The following VAT1L variants were observed in gnomAD, a reference collection of about 807,000 sequenced individuals.
VAT1L encodes the protein vesicle amine transport 1 like.
A neutral mutation model predicts 44.1 loss-of-function variants in VAT1L; 34 were observed. The observed-to-expected ratio is 0.77, with a 90% CI of 0.59 to 1.03. The LOEUF (loss-of-function observed/expected upper bound fraction) is 1.03, where lower values mean the gene tolerates loss of function less well. Among genes scored for constraint, VAT1L ranks in the 50% least tolerant of loss-of-function variants. The pLI is 0.00. For missense variants in VAT1L, 615 were observed against 538.8 expected, an observed-to-expected ratio of 1.14 and a Z score of -1.40; for synonymous variants, 253 against 202.2, an observed-to-expected ratio of 1.25 and a Z score of -2.13.
chr16:77,859,761 G>A (rs377388355), intron 3 of VAT1L, among the ~76,000 whole-genome samples: 1 of 152,198 alleles, frequency 6.6e-6, no homozygotes, highest in South Asian at 2.1e-4. Flanking sequence ...GAGGGAGGAA[G>A]AGGAGGCCAG....
chr16:77,890,530 A>G (rs1253562596), intron 7 of VAT1L, among the ~76,000 whole-genome samples: 1 of 152,186 alleles, frequency 6.6e-6, no homozygotes, highest in Non-Finnish European at 1.5e-5. Flanking sequence ...ACTTAGATAC[A>G]GCTGTGGTCT....
intron 7 of VAT1L, among the ~76,000 whole-genome samples, chr16:77,945,903 G>T (rs754525020): frequency 6.6e-6 from 1 of 151,422 alleles, no homozygotes; most frequent in African/African-American, 2.4e-5. Flanking sequence ...CCCGGTTCAA[G>T]TGATTCTCCT....
intron 5 of VAT1L, among the ~76,000 whole-genome samples, chr16:77,878,700 C>T (rs868707727): frequency 3.3e-5 from 5 of 151,988 alleles, no homozygotes; most frequent in Non-Finnish European, 7.4e-5. Flanking sequence ...CCATTTTTTC[C>T]AATCCATCTA....
chr16:77,814,157 G>A (rs183612109), intron 1 of VAT1L, among the ~76,000 whole-genome samples: 6 of 152,266 alleles, frequency 3.9e-5, no homozygotes, highest in Non-Finnish European at 8.8e-5. Context: ...CAAAAGTCAA[G>A]CACTTAGCAC....
At chr16:77,828,430 A>G (rs988989754) in intron 3 of VAT1L, among the ~76,000 whole-genome samples, 6 of 152,104 alleles carry the variant, frequency 3.9e-5, no homozygotes, top group African/African-American at 1.2e-4. Context: ...TTGGGAGGCC[A>G]ATGCGGGCGG....
chr16:77,923,145 A>T (rs2017630144), intron 7 of VAT1L, among the ~76,000 whole-genome samples: 1 of 152,102 alleles, frequency 6.6e-6, no homozygotes, highest in South Asian at 2.1e-4. Flanking sequence ...ACAATTCTGA[A>T]CATCCGTTAA....
At chr16:77,829,016 C>A (rs2016552077) in intron 3 of VAT1L, among the ~76,000 whole-genome samples, 1 of 152,128 alleles carries the variant, frequency 6.6e-6, no homozygotes, top group Admixed American at 6.5e-5. Context: ...TCTCTCCCTC[C>A]CTTTTCATTA....
intron 7 of VAT1L, among the ~76,000 whole-genome samples, chr16:77,928,904 C>T (rs988789728): frequency 2.6e-5 from 4 of 152,092 alleles, no homozygotes; most frequent in African/African-American, 9.7e-5. Flanking sequence ...GCAACCTCCC[C>T]TTTCCGGGTT....
At chr16:77,892,968 A>C in intron 7 of VAT1L, 78 of 749,936 alleles carry the variant, frequency 1.0e-4, no homozygotes, top group Non-Finnish European at 1.6e-4. Flanking sequence ...TCTGTAGCTC[A>C]GGAGGGTACC....
chr16:77,815,263 T>C (rs1414907944), intron 1 of VAT1L, among the ~76,000 whole-genome samples: 1 of 152,226 alleles, frequency 6.6e-6, no homozygotes, highest in African/African-American at 2.4e-5. Flanking sequence ...ATTCTTTGAC[T>C]GCTTTTTAGA....
chr16:77,930,451 C>T (rs981378844), intron 7 of VAT1L, among the ~76,000 whole-genome samples: 1 of 152,198 alleles, frequency 6.6e-6, no homozygotes, highest in Non-Finnish European at 1.5e-5. Flanking sequence ...CTTTGAATGG[C>T]TCTCTGCAGT....
At chr16:77,830,206 A>G (rs2016564438) in intron 3 of VAT1L, among the ~76,000 whole-genome samples, 1 of 152,148 alleles carries the variant, frequency 6.6e-6, no homozygotes, top group South Asian at 2.1e-4. Context: ...GTAATCTAAT[A>G]GCATCAAAGT....
rs1027641754 is a variant in VAT1L, at chr16:77,934,208, G to A, written c.1078-37642G>A. Reference sequence around the variant, plus strand: ...AACCAACCAGATTTATTGGCAGATTGGACGTAAAGATTGAGGGGAAGAAGA... The same window carrying A: ...AACCAACCAGATTTATTGGCAGATTAGACGTAAAGATTGAGGGGAAGAAGA... On this transcript the variant is annotated intron_variant, in intron 7 of 8. Transcript: ENST00000302536. Among the ~76,000 whole-genome samples the A allele has an allele frequency of 2.0e-5, 3 of 151,968 alleles. No homozygotes were observed. In the South Asian group the frequency reaches 6.2e-4, roughly 32 times the overall value.
intron 3 of VAT1L, among the ~76,000 whole-genome samples, chr16:77,831,356 C>G (rs1178922053): frequency 6.6e-6 from 1 of 152,126 alleles, no homozygotes; most frequent in Admixed American, 6.6e-5. Context: ...GGAGAGGTTT[C>G]TTTATATTCA....
chr16:77,817,061 G>C lies in VAT1L; in HGVS notation c.363+11G>C, dbSNP rs751054151. On this transcript the variant is annotated intron_variant, in intron 2 of 8. Coordinates refer to ENST00000302536, the MANE Select transcript of VAT1L (RefSeq NM_020927.3). ...GTGAAAGGATATGAGGTAATGTTTG[G>C]CTCTCAATTGAAGAGTAATATTCAT... is the stretch of plus-strand genomic sequence containing the variant. 57 of 1,609,272 alleles carry C rather than the reference G, an allele frequency of 3.5e-5. No homozygotes were observed. Among genetic ancestry groups the C allele is most frequent in the Non-Finnish European group, 4.8e-5 (56 of 1,178,600 alleles).
At chr16:77,972,519 G>A (rs1331899386) in intron 8 of VAT1L, among the ~76,000 whole-genome samples, 3 of 152,128 alleles carry the variant, frequency 2.0e-5, no homozygotes, top group South Asian at 2.1e-4. Flanking sequence ...GGTGGCTAAC[G>A]CCTGTAATCC....
At chr16:77,894,303 T>C (rs895157865) in intron 7 of VAT1L, among the ~76,000 whole-genome samples, 1 of 152,170 alleles carries the variant, frequency 6.6e-6, no homozygotes, top group Non-Finnish European at 1.5e-5. Context: ...AGGAAGTCCA[T>C]AGAGAAACAG....
chr16:77,918,833 G>A (rs1039785004), intron 7 of VAT1L, among the ~76,000 whole-genome samples: 33 of 152,032 alleles, frequency 2.2e-4, no homozygotes, highest in African/African-American at 7.7e-4. Context: ...GGTTCAGAAC[G>A]CATAGCAGAA....
At chr16:77,831,818 T>A (rs903259410) in intron 3 of VAT1L, among the ~76,000 whole-genome samples, 3 of 151,838 alleles carry the variant, frequency 2.0e-5, no homozygotes, top group Non-Finnish European at 1.5e-5. Context: ...TTGTTTGTTG[T>A]TTTTCTTTTT....
Sources: allele counts gnomAD v4.1 joint callset (sites outside exome capture counted in the v4.1 genomes callset), GRCh38; gene constraint gnomAD v4.1.1; transcripts MANE v1.5; gene names NCBI Gene and HGNC (gene_info 2026-07-23, HGNC 2026-07-21).